The following NLRC4 variants were observed in gnomAD, a reference collection of about 807,000 sequenced individuals.
NLRC4 encodes the protein NLR family CARD domain-containing protein 4.
In NLRC4, 63 loss-of-function variants were observed where a neutral mutation model predicts 79.9. That is an observed-to-expected ratio of 0.79 (90% CI 0.64 to 0.97). The LOEUF (loss-of-function observed/expected upper bound fraction) is 0.97. Among genes scored for constraint, NLRC4 ranks in the 50% least tolerant of loss-of-function variants. NLRC4 has a pLI of 0.00. For synonymous variants in NLRC4, 461 were observed against 456.5 expected, an observed-to-expected ratio of 1.01 and a Z score of -0.12; for missense variants, 1,074 against 1,215.2, an observed-to-expected ratio of 0.88 and a Z score of 1.73.
In NLRC4 at chr2:32,264,850, G is replaced by C. The variant is rs1687431821; in HGVS notation, c.-231C>G. On this transcript the variant is annotated 5_prime_UTR_variant, in exon 1 of 9. The change creates a new upstream start codon in the 5' untranslated region. Transcript: ENST00000402280. ...TGAGGCCTCGAGTTCTTGTAGACCA[G>C]ATACCTTCTTGTTCTGTGAGAGGAC... The C allele has an allele frequency of 6.6e-6, 1 of 152,010 alleles. No homozygotes were observed. The highest frequency in any genetic ancestry group is 2.4e-5 in the African/African-American group (1 of 41,378). 9.4% of individuals were successfully genotyped at this position (152,010 alleles called of 1,614,324 possible).
At chr2:32,244,840 G>A (rs553736175) in intron 4 of NLRC4, among the ~76,000 whole-genome samples, 135 of 150,822 alleles carry the variant, frequency 9.0e-4, no homozygotes, top group African/African-American at 3.2e-3. Context: ...GGAGGAGGAG[G>A]AGAGGGAGAG....
chr2:32,252,189 T>C (rs903833855), intron 3 of NLRC4, among the ~76,000 whole-genome samples: 17 of 152,192 alleles, frequency 1.1e-4, no homozygotes, highest in African/African-American at 3.1e-4. Flanking sequence ...AGTGAGACAA[T>C]ACTCAATCAT....
intron 8 of NLRC4, among the ~76,000 whole-genome samples, 158 bp downstream of exon 8, chr2:32,235,243 A>C (rs2148933557): frequency 6.6e-6 from 1 of 152,336 alleles, no homozygotes; most frequent in African/African-American, 2.4e-5. Flanking sequence ...CAGTGTTTTA[A>C]GTCTTCTTAC....
rs1324974298 is a variant in NLRC4 at position 32,264,728 on chromosome 2, C to T, written c.-119+10G>A. 2 of 152,124 alleles carry T rather than the reference C, an allele frequency of 1.3e-5. No individual in the cohort carries two copies. The highest frequency in any genetic ancestry group is 1.3e-4 in the Admixed American group (2 of 15,268). The allele number at this position is 152,124 out of a possible 1,614,324, so 9.4% of individuals were successfully genotyped here. ...GACCTTAAAAATCCCATTCTCTCTA[C>T]CCACAGTACCTGGCTGAGCAATCCA... On this transcript the variant is annotated intron_variant, in intron 1 of 8. Coordinates refer to ENST00000402280, the MANE Select transcript of NLRC4 (RefSeq NM_001199138.2).
chr2:32,228,177 G>A (rs940081871), intron 8 of NLRC4, among the ~76,000 whole-genome samples: 8 of 152,160 alleles, frequency 5.3e-5, no homozygotes, highest in African/African-American at 1.7e-4. Flanking sequence ...GTAATTAGAT[G>A]GGTGGTGGGT....
At position 32,247,201 on chromosome 2, in the gene NLRC4, G is replaced by C. The variant is rs1374292882; in HGVS notation, c.2257+2406C>G. ...TGGATTTCCTCCAAGACTTGAAGTA[G>C]GGCAGGGTGCCACTTGGCAGGGAAG... On this transcript the variant is annotated intron_variant, in intron 4 of 8. Transcript: ENST00000402280. Among the ~76,000 whole-genome samples the C allele has an allele frequency of 1.3e-5, 2 of 152,200 alleles. 1 individual carries two copies. The highest frequency in any genetic ancestry group is 2.9e-5 in the Non-Finnish European group (2 of 68,038).
intron 8 of NLRC4, among the ~76,000 whole-genome samples, chr2:32,230,457 G>A (rs1388673985): frequency 1.3e-5 from 2 of 150,384 alleles, no homozygotes; most frequent in East Asian, 3.9e-4. Flanking sequence ...GAGCCACTGG[G>A]CCCAGCCCCC....
upstream of NLRC4, among the ~76,000 whole-genome samples, chr2:32,265,118 T>C (rs1433696555): frequency 1.3e-5 from 2 of 152,196 alleles, no homozygotes; most frequent in African/African-American, 4.8e-5. Flanking sequence ...GAGTTACTTA[T>C]TCTATACCTT....
intron 2 of NLRC4, among the ~76,000 whole-genome samples, chr2:32,255,514 C>T (rs1445194981): frequency 2.4e-5 from 3 of 127,070 alleles, no homozygotes; most frequent in Non-Finnish European, 4.9e-5. Context: ...GAGCAAAACT[C>T]CGTCTCAAAA....
chr2:32,256,745 C>A (rs1246087472), intron 2 of NLRC4, 30 bp downstream of exon 2: 1 of 780,644 alleles, frequency 1.3e-6, no homozygotes, highest in Admixed American at 1.7e-5. Flanking sequence ...GACTGTATAA[C>A]CAGGCAGATG....
chr2:32,241,238 G>C, intron 4 of NLRC4, 113 bp from the exon 5 acceptor site: 4 of 678,910 alleles, frequency 5.9e-6, no homozygotes, highest in Non-Finnish European at 1.0e-5. Context: ...ATCATCATGA[G>C]CCAAAAATGC....
Position 32,251,193 on chromosome 2 carries a change from G to A in NLRC4, c.671C>T (p.Pro224Leu), listed in dbSNP as rs533731675. The change falls in exon 4 of 9, where the codon CCT (proline) becomes CTT (leucine). Residue 224 changes from proline to leucine, a missense_variant. Transcript: ENST00000402280. ...ETLCDQLLDI[P>L]GTIRKQTFMA... Reference sequence around the variant, plus strand: ...GAATGTCTGCTTCCTGATTGTGCCAGGTATATCCAGGAGTTGATCACAGAG... The same window carrying A: ...GAATGTCTGCTTCCTGATTGTGCCAAGTATATCCAGGAGTTGATCACAGAG... The A allele has an allele frequency of 1.2e-6, 2 of 1,614,172 alleles. No individual in the cohort carries two copies. Among genetic ancestry groups the A allele is most frequent in the South Asian group, 1.1e-5 (1 of 91,080 alleles).
chr2:32,246,777 A>G (rs1686947451), intron 4 of NLRC4, among the ~76,000 whole-genome samples: 1 of 152,140 alleles, frequency 6.6e-6, no homozygotes, highest in Non-Finnish European at 1.5e-5. Flanking sequence ...TCTGTCATTC[A>G]TTCTTCTTTT....
At chr2:32,261,316 C>CCCCTT in intron 1 of NLRC4, among the ~76,000 whole-genome samples, 21 of 96,892 alleles carry the variant, frequency 2.2e-4, no homozygotes, top group Non-Finnish European at 3.1e-4. Flanking sequence ...AGCCTCCCCC[C>CCCCTT]TTTTGTTTTT....
intron 4 of NLRC4, among the ~76,000 whole-genome samples, chr2:32,248,390 C>T (rs773395981): frequency 6.6e-6 from 1 of 152,188 alleles, no homozygotes; most frequent in Admixed American, 6.5e-5. Context: ...GAACACAACT[C>T]ATCAGCATTA....
chr2:32,244,041 G>T (rs1475333117), intron 4 of NLRC4, among the ~76,000 whole-genome samples: 1 of 152,130 alleles, frequency 6.6e-6, no homozygotes, highest in Non-Finnish European at 1.5e-5. Context: ...CTTGAGCACA[G>T]GAGTCCAAGA....
intron 1 of NLRC4, among the ~76,000 whole-genome samples, chr2:32,262,788 A>G (rs1297089634): frequency 1.3e-5 from 2 of 151,926 alleles, no homozygotes; most frequent in Non-Finnish European, 2.9e-5. Flanking sequence ...ACAAAAAAAA[A>G]AAAGAATAGG....
chr2:32,264,938 G>T (rs1402434954), upstream of NLRC4: 1 of 151,858 alleles, frequency 6.6e-6, no homozygotes, highest in Non-Finnish European at 1.5e-5. Flanking sequence ...CAGTAAGAGT[G>T]GTTTGGACAC....
chr2:32,250,097 C>T lies in NLRC4; in HGVS notation c.1767G>A (p.Gly589=). The T allele has an allele frequency of 6.2e-7, 1 of 1,614,120 alleles. No individual in the cohort carries two copies. Among genetic ancestry groups the T allele is most frequent in the Non-Finnish European group, 8.5e-7 (1 of 1,179,994 alleles). Residue 589 remains glycine, a synonymous_variant, in exon 4 of 9, where the codon GGG becomes GGA. Transcript: ENST00000402280. This position sits in a 1 kb window ranked among gnomAD's most constrained non-coding sequence, Gnocchi z 4.9. The stretch of plus-strand genomic sequence containing the variant: ...AGTCAAATAAGTAATCGGGGATGTT[C>T]CCTGAGTTGATATATAAGCTTTTAC... The part of the protein sequence containing the change: ...FQGKSLYINS[G]NIPDYLFDFF...
Sources: allele counts gnomAD v4.1 joint callset (sites outside exome capture counted in the v4.1 genomes callset), GRCh38; gene constraint gnomAD v4.1.1; non-coding constraint Gnocchi (gnomAD v3.1); transcripts MANE v1.5; gene names NCBI Gene and HGNC (gene_info 2026-07-23, HGNC 2026-07-21).